COTL1: variants seen among roughly 807,000 people sequenced by gnomAD.
COTL1 encodes coactosin like F-actin binding protein 1.
COTL1 carries 15 observed loss-of-function variants against 16.5 expected under a neutral mutation model. That is an observed-to-expected ratio of 0.91 (90% CI 0.61 to 1.40). The LOEUF (loss-of-function observed/expected upper bound fraction) is 1.40. Among genes scored for constraint, COTL1 ranks in the 40% most tolerant of loss-of-function variants. The pLI, the probability that COTL1 is intolerant of heterozygous loss-of-function variation, is 0.00. For missense variants in COTL1, 220 were observed against 201.5 expected, an observed-to-expected ratio of 1.09 and a Z score of -0.56; for synonymous variants, 112 against 85.3, an observed-to-expected ratio of 1.31 and a Z score of -1.73.
In COTL1 at chr16:84,588,861, A is replaced by T. The variant is rs186180661; in HGVS notation, c.318+1244T>A. ...TTGGTGATTTCTGGTATATTCACAG[A>T]TATGTGCAACCACCATGATAGTCAA... On this transcript the variant is annotated intron_variant, in intron 3 of 3. Coordinates refer to ENST00000262428, the MANE Select transcript of COTL1 (RefSeq NM_021149.5). 3.9e-5 allele frequency among the ~76,000 whole-genome samples: 6 copies of T among 152,308 alleles called. No individual in the cohort carries two copies. In the East Asian group the frequency reaches 9.7e-4, roughly 25 times the overall value.
intron 2 of COTL1, chr16:84,595,982 G>A (rs1188659300): frequency 1.3e-5 from 2 of 152,186 alleles, no homozygotes; most frequent in African/African-American, 4.8e-5. Flanking sequence ...ATATGTGTGT[G>A]TGTATGCACT....
chr16:84,569,999 C>T (rs1275138981), intron 3 of COTL1, among the ~76,000 whole-genome samples: 1 of 152,182 alleles, frequency 6.6e-6, no homozygotes, highest in South Asian at 2.1e-4. Flanking sequence ...GTTTGAGAGC[C>T]ATGGATGGTG....
chr16:84,579,553 T>C (rs1242646356), intron 3 of COTL1, among the ~76,000 whole-genome samples: 2 of 152,208 alleles, frequency 1.3e-5, no homozygotes, highest in Non-Finnish European at 2.9e-5. Flanking sequence ...AGGCTATATC[T>C]CTGCTCTGCT....
intron 3 of COTL1, among the ~76,000 whole-genome samples, chr16:84,587,366 C>A (rs1904757489): frequency 1.3e-5 from 2 of 152,198 alleles, no homozygotes; most frequent in Admixed American, 1.3e-4. Flanking sequence ...CGCCTCTTAA[C>A]TCCGGAACCC....
At chr16:84,613,871 C>A (rs1359264444) in intron 2 of COTL1, among the ~76,000 whole-genome samples, 2 of 151,880 alleles carry the variant, frequency 1.3e-5, no homozygotes, top group African/African-American at 4.8e-5. Flanking sequence ...CCAGGCCTGG[C>A]CACGCAGAGT....
Position 84,617,553 on chromosome 16 carries a change from G to A in COTL1, c.108C>T (p.Ile36=). 6.4e-7 allele frequency: 1 copy of A among 1,558,706 alleles called. No individual in the cohort carries two copies. Among genetic ancestry groups the A allele is most frequent in the Non-Finnish European group, 8.7e-7 (1 of 1,150,606 alleles). The part of the protein sequence containing the change: ...WVTFKYDGST[I]VPGEQGAEYQ... ...ACTCCGCTCCCTGCTCGCCGGGGAC[G>A]ATGGTGGAGCCGTCATATTTAAAAG... Residue 36 remains isoleucine (I), a synonymous_variant, in exon 2 of 4, where the codon ATC becomes ATT. Coordinates refer to ENST00000262428, the MANE Select transcript of COTL1 (RefSeq NM_021149.5).
intron 3 of COTL1, among the ~76,000 whole-genome samples, chr16:84,571,720 C>T (rs1904339926): frequency 6.6e-6 from 1 of 152,240 alleles, no homozygotes; most frequent in Non-Finnish European, 1.5e-5. Context: ...GGGCCCATTG[C>T]CTGGACGTCA....
chr16:84,613,089 C>T (rs1173572724), intron 2 of COTL1, among the ~76,000 whole-genome samples: 1 of 151,804 alleles, frequency 6.6e-6, no homozygotes, highest in African/African-American at 2.4e-5. Context: ...CAACCTCTGC[C>T]TCCTGGGTTC....
At chr16:84,567,000 G>T in intron 3 of COTL1, 45 bp from the exon 4 acceptor site, 1 of 1,406,118 alleles carries the variant, frequency 7.1e-7, no homozygotes, top group Non-Finnish European at 1.0e-6. Context: ...AAGAAGGAAG[G>T]CACAGGATGT....
intron 2 of COTL1, among the ~76,000 whole-genome samples, chr16:84,609,608 T>C (rs1396691771): frequency 6.6e-6 from 1 of 152,212 alleles, no homozygotes; most frequent in African/African-American, 2.4e-5. Flanking sequence ...ACCCAAAATC[T>C]ATCTGATATG....
At chr16:84,615,517 T>C (rs1234203584) in intron 2 of COTL1, among the ~76,000 whole-genome samples, 1 of 151,906 alleles carries the variant, frequency 6.6e-6, no homozygotes, top group Non-Finnish European at 1.5e-5. Flanking sequence ...CATGGTTTGA[T>C]GGGGGAAGGG....
chr16:84,579,965 C>T (rs769210989), intron 3 of COTL1, among the ~76,000 whole-genome samples: 8 of 152,236 alleles, frequency 5.3e-5, no homozygotes, highest in Admixed American at 1.3e-4. Flanking sequence ...TGTACACGTT[C>T]GAATGCTGCA....
At chr16:84,592,598 T>A (rs1453175897) in intron 2 of COTL1, among the ~76,000 whole-genome samples, 2 of 143,524 alleles carry the variant, frequency 1.4e-5, no homozygotes, top group African/African-American at 2.6e-5. Flanking sequence ...CACACTGAGT[T>A]AAAAAAAAAA....
intron 2 of COTL1, among the ~76,000 whole-genome samples, chr16:84,606,783 G>A (rs1290679495): frequency 2.6e-5 from 4 of 152,168 alleles, no homozygotes; most frequent in Non-Finnish European, 5.9e-5. Context: ...GCCTCCCAGG[G>A]CTGCACCCTC....
At chr16:84,587,789 T>TATTA (rs1904769484) in intron 3 of COTL1, among the ~76,000 whole-genome samples, 1 of 151,902 alleles carries the variant, frequency 6.6e-6, no homozygotes, top group East Asian at 1.9e-4. Flanking sequence ...TTTATTTATT[T>TATTA]ATTTATTTTA....
intron 3 of COTL1, among the ~76,000 whole-genome samples, chr16:84,581,408 T>G (rs561120802): frequency 6.6e-6 from 1 of 152,214 alleles, no homozygotes; most frequent in Non-Finnish European, 1.5e-5. Context: ...ACTCATGCTT[T>G]GCAAGGGGGA....
intron 2 of COTL1, among the ~76,000 whole-genome samples, chr16:84,600,561 C>T (rs116113723): frequency 0.018 from 2,677 of 152,290 alleles, 76 homozygotes; most frequent in African/African-American, 0.061. Context: ...GAACTGCCCG[C>T]CTCAGTCTCC....
chr16:84,617,868 A>G lies in COTL1; in HGVS notation c.47T>C (p.Leu16Pro), dbSNP rs1290622268. The change falls in exon 1 of 4, where the codon CTG becomes CCG. Residue 16 changes from leucine to proline, a missense_variant. Transcript: ENST00000262428. ...DKEACRAAYN[L>P]VRDDGSAVIW... ...GACGGCCGAGCCGTCGTCGCGCACC[A>G]GGTTGTACGCCGCCCGGCAAGCCTC... 6.4e-7 allele frequency: 1 copy of G among 1,574,294 alleles called. No homozygotes were observed. The highest frequency in any genetic ancestry group is 1.9e-5 in the Admixed American group (1 of 53,618).
chr16:84,578,632 C>T (rs72795432), intron 3 of COTL1, among the ~76,000 whole-genome samples: 30,292 of 151,578 alleles, frequency 0.2, 3,487 homozygotes, highest in Non-Finnish European at 0.27. Flanking sequence ...CACACACACA[C>T]GCAGGCATAC....
Sources: gnomAD v4.1 joint callset for allele counts (sites outside exome capture counted in the v4.1 genomes callset) on GRCh38, gnomAD v4.1.1 for gene constraint, MANE v1.5 for transcripts, NCBI Gene and HGNC (gene_info 2026-07-23, HGNC 2026-07-21) for gene names.